Variants in CFAP77 observed in about 807,000 individuals in gnomAD.
CFAP77 encodes cilia and flagella associated protein 77.
In CFAP77, 25 loss-of-function variants were observed where a neutral mutation model predicts 31.1. The observed-to-expected ratio is 0.80, with a 90% CI of 0.59 to 1.12. The LOEUF (loss-of-function observed/expected upper bound fraction) is 1.12, where lower values mean the gene tolerates loss of function less well. Ranked by LOEUF, CFAP77 falls within the 50% of genes most tolerant of loss-of-function variation. The pLI, the probability that CFAP77 is intolerant of heterozygous loss-of-function variation, is 0.00. For synonymous variants in CFAP77, 151 were observed against 159.9 expected (o/e 0.94, Z 0.42); for missense variants, 377 against 397.3 (o/e 0.95, Z 0.44).
At chr9:132,532,194 A>T (rs192562300) in intron 3 of CFAP77, among the ~76,000 whole-genome samples, 73 of 152,340 alleles carry the variant, frequency 4.8e-4, no homozygotes, top group African/African-American at 1.5e-3. Flanking sequence ...GAAGCTGCTG[A>T]ACCTTTGCTC....
At chr9:132,421,253 A>G (rs1477989100) in intron 1 of CFAP77, among the ~76,000 whole-genome samples, 1 of 151,560 alleles carries the variant, frequency 6.6e-6, no homozygotes, top group African/African-American at 2.4e-5. Flanking sequence ...TGGCCTCCCA[A>G]AGTGATGGGA....
chr9:132,512,545 C>T (rs1301464067), intron 3 of CFAP77, among the ~76,000 whole-genome samples: 1 of 152,164 alleles, frequency 6.6e-6, no homozygotes, highest in East Asian at 1.9e-4. Context: ...TTTGAGAAAA[C>T]AATCTTTAGA....
intron 1 of CFAP77, among the ~76,000 whole-genome samples, chr9:132,460,383 A>G (rs1851028287): frequency 6.6e-6 from 1 of 152,196 alleles, no homozygotes; most frequent in South Asian, 2.1e-4. Flanking sequence ...CAGCAGATGA[A>G]TGGATATAAA....
At chr9:132,559,003 G>A (rs1379473608) in intron 5 of CFAP77, among the ~76,000 whole-genome samples, 1 of 151,116 alleles carries the variant, frequency 6.6e-6, no homozygotes, top group Admixed American at 6.6e-5. Flanking sequence ...GACAGAGCAA[G>A]ACTCTGTCTC....
In CFAP77 at chr9:132,554,166, A is replaced by C. The variant is rs1852861051; in HGVS notation, c.732+11119A>C. ...GTGGAACTCAAAGCCCTATGTCCCT[A>C]ATCATCGAGTGCACTGTCATGCCTT... On this transcript the variant is annotated intron_variant, in intron 5 of 5. Coordinates refer to ENST00000393216, the MANE Select transcript of CFAP77 (RefSeq NM_001282957.2). This position sits in a 1 kb window ranked among gnomAD's most constrained non-coding sequence, Gnocchi z 4.1. Among the ~76,000 whole-genome samples the C allele has an allele frequency of 2.0e-5, 3 of 152,090 alleles. No individual in the cohort carries two copies. Among genetic ancestry groups the C allele is most frequent in the Admixed American group, 2.0e-4 (3 of 15,276 alleles).
chr9:132,488,164 T>C (rs995960158), intron 1 of CFAP77, among the ~76,000 whole-genome samples: 2 of 152,174 alleles, frequency 1.3e-5, no homozygotes, highest in Admixed American at 1.3e-4. Context: ...AGCTACACTA[T>C]ATGTGGTTGC....
intron 3 of CFAP77, among the ~76,000 whole-genome samples, chr9:132,519,532 ATGGATGGGTGGG>A (rs1852218503): frequency 1.7e-5 from 2 of 115,092 alleles, no homozygotes; most frequent in Non-Finnish European, 1.9e-5. Flanking sequence ...AGATGGATGG[ATGGATGGGTGGG>A]TAGATGGATG....
intron 1 of CFAP77, among the ~76,000 whole-genome samples, chr9:132,487,268 G>C (rs1222655094): frequency 1.3e-5 from 2 of 152,186 alleles, no homozygotes; most frequent in Non-Finnish European, 2.9e-5. Flanking sequence ...GGTCACACGG[G>C]AAGTGGCAGA....
At chr9:132,505,163 A>T (rs1589892538) in intron 3 of CFAP77, among the ~76,000 whole-genome samples, 1 of 152,086 alleles carries the variant, frequency 6.6e-6, no homozygotes, top group Non-Finnish European at 1.5e-5. Flanking sequence ...TGTGACTGCC[A>T]CCCTGTGAGC....
chr9:132,484,920 G>A (rs1851512906), intron 1 of CFAP77, among the ~76,000 whole-genome samples: 1 of 150,818 alleles, frequency 6.6e-6, no homozygotes, highest in South Asian at 2.1e-4. Flanking sequence ...ATGCTTTTGG[G>A]TCACTGCAAC....
chr9:132,499,034 C>A lies in CFAP77; in HGVS notation c.295+240C>A, dbSNP rs933985769. ...AGCATGGGTATCCCCGCACCGCCCC[C>A]CTTCCCCGCCGCCGGCAGGGACTGT... On this transcript the variant is annotated intron_variant, in intron 2 of 5. Transcript: ENST00000393216. This position sits in a 1 kb window ranked among gnomAD's most constrained non-coding sequence, Gnocchi z 5.4. Among the ~76,000 whole-genome samples the A allele has an allele frequency of 2.6e-5, 4 of 152,230 alleles. No homozygotes were observed. The highest frequency in any genetic ancestry group is 2.1e-4 in the South Asian group (1 of 4,828).
rs1850281017 is a variant in CFAP77 at position 132,424,494 on chromosome 9, A to G, written c.195+14028A>G. Among the ~76,000 whole-genome samples the G allele has an allele frequency of 6.6e-6, 1 of 152,026 alleles. No homozygotes were observed. The highest frequency in any genetic ancestry group is 1.5e-5 in the Non-Finnish European group (1 of 68,010). ...GAATTGCTGGAGGGCTGAGAAGAGG[A>G]GGGACAGGTGTAGACAATGGCTAGA... is the stretch of plus-strand genomic sequence containing the variant. On this transcript the variant is annotated intron_variant, in intron 1 of 5. Transcript: ENST00000393216. This position sits in a 1 kb window ranked among gnomAD's most constrained non-coding sequence, Gnocchi z 4.1.
chr9:132,446,620 A>G (rs1297111050), intron 1 of CFAP77, among the ~76,000 whole-genome samples: 1 of 151,832 alleles, frequency 6.6e-6, no homozygotes, highest in Non-Finnish European at 1.5e-5. Context: ...GGGTGCCTGT[A>G]GTCCCAGCTA....
At chr9:132,429,958 G>C (rs1216617410) in intron 1 of CFAP77, among the ~76,000 whole-genome samples, 2 of 152,014 alleles carry the variant, frequency 1.3e-5, no homozygotes, top group Non-Finnish European at 1.5e-5. Flanking sequence ...AAGGGAAGAG[G>C]CTCAGTTAAC....
intron 3 of CFAP77, among the ~76,000 whole-genome samples, chr9:132,533,555 T>A (rs922607515): frequency 2.6e-5 from 4 of 152,176 alleles, no homozygotes; most frequent in Non-Finnish European, 4.4e-5. Context: ...TATATTAGGT[T>A]GGTACAAAAG....
chr9:132,474,311 T>A lies in CFAP77; in HGVS notation c.196-24384T>A, dbSNP rs187509980. On this transcript the variant is annotated intron_variant, in intron 1 of 5. Coordinates refer to ENST00000393216, the MANE Select transcript of CFAP77 (RefSeq NM_001282957.2). ...GGCTTTCTGTTGGACAGTCATACAC[T>A]TACGAACGCCTCGGGACATCATTCA... Among the ~76,000 whole-genome samples the A allele has an allele frequency of 3.1e-3, 470 of 152,326 alleles. 2 individuals are homozygous for A. The highest frequency in any genetic ancestry group is 0.01 in the African/African-American group (428 of 41,562).
chr9:132,500,757 C>T (rs1255216803), intron 3 of CFAP77, among the ~76,000 whole-genome samples: 1 of 152,196 alleles, frequency 6.6e-6, no homozygotes, highest in African/African-American at 2.4e-5. Context: ...ATGACTGGCA[C>T]GCATGTCCCA....
chr9:132,435,647 G>A lies in CFAP77; in HGVS notation c.195+25181G>A, dbSNP rs148037220. ...GATACCGAGTGGTGTTTGGTAGACC[G>A]GAGCAGTGTGTCCAAGCAGACTTAA... On this transcript the variant is annotated intron_variant, in intron 1 of 5. Coordinates refer to ENST00000393216, the MANE Select transcript of CFAP77 (RefSeq NM_001282957.2). Among the ~76,000 whole-genome samples the A allele has an allele frequency of 2.6e-4, 40 of 152,270 alleles. 1 individual carries two copies. The highest frequency in any genetic ancestry group is 9.1e-4 in the African/African-American group (38 of 41,546).
At chr9:132,482,392 G>A in intron 1 of CFAP77, 1 of 1,613,392 alleles carries the variant, frequency 6.2e-7, no homozygotes, top group Non-Finnish European at 8.5e-7. Context: ...TCCCTTGCTG[G>A]ACACCACATC....
Sources: gnomAD v4.1 joint callset for allele counts (sites outside exome capture counted in the v4.1 genomes callset) on GRCh38, gnomAD v4.1.1 for gene constraint, Gnocchi (gnomAD v3.1) non-coding constraint, MANE v1.5 for transcripts, NCBI Gene and HGNC (gene_info 2026-07-23, HGNC 2026-07-21) for gene names.